ANKFY1: variants seen among roughly 807,000 people sequenced by gnomAD.
ANKFY1 encodes the protein ankyrin repeat and FYVE domain-containing protein 1.
ANKFY1 carries 47 observed loss-of-function variants against 128.3 expected under a neutral mutation model. The observed-to-expected ratio is 0.37, with a 90% CI of 0.29 to 0.47. The LOEUF is 0.47. Among genes scored for constraint, ANKFY1 ranks in the 20% least tolerant of loss-of-function variants. The pLI, the probability that ANKFY1 is intolerant of heterozygous loss-of-function variation, is 1.00. For synonymous variants in ANKFY1, 553 were observed against 601.6 expected (o/e 0.92, Z 1.18); for missense variants, 1,222 against 1,510.6 (o/e 0.81, Z 3.17).
chr17:4,204,415 G>T (rs76296375), intron 7 of ANKFY1, among the ~76,000 whole-genome samples: 7,772 of 152,252 alleles, frequency 0.051, 429 homozygotes, highest in African/African-American at 0.14. Flanking sequence ...TCAAACCTTG[G>T]TGAATACCAG....
At chr17:4,183,634 C>G in intron 13 of ANKFY1, 83 bp from the exon 14 acceptor site, 3 of 1,552,728 alleles carry the variant, frequency 1.9e-6, no homozygotes, top group Non-Finnish European at 2.6e-6. Context: ...ACCCTCTCAG[C>G]TTCTCAAAGC....
intron 16 of ANKFY1, 125 bp from the exon 17 acceptor site, chr17:4,180,002 T>C: frequency 8.1e-7 from 1 of 1,230,282 alleles, no homozygotes; most frequent in Non-Finnish European, 1.1e-6. Context: ...GGGTCTGCTG[T>C]CCTTGGTCCC....
chr17:4,212,445 C>A (rs1416660596), intron 4 of ANKFY1, among the ~76,000 whole-genome samples: 1 of 152,142 alleles, frequency 6.6e-6, no homozygotes, highest in Non-Finnish European at 1.5e-5. Flanking sequence ...GTGTGTTTGT[C>A]AAGATGGAGG....
At chr17:4,210,078 G>A (rs1031332037) in intron 4 of ANKFY1, 131 bp from the exon 5 acceptor site, 1 of 685,428 alleles carries the variant, frequency 1.5e-6, no homozygotes, top group African/African-American at 1.8e-5. Context: ...TTAAGCAAAG[G>A]GTTATGAATA....
chr17:4,222,878 T>A (rs1186100295), intron 3 of ANKFY1: 2 of 984,752 alleles, frequency 2.0e-6, no homozygotes, highest in South Asian at 2.6e-5. Context: ...ATCCGAGAGC[T>A]GACACACCCA....
At chr17:4,211,061 A>C (rs1160746198) in intron 4 of ANKFY1, among the ~76,000 whole-genome samples, 2 of 151,898 alleles carry the variant, frequency 1.3e-5, no homozygotes, top group East Asian at 3.9e-4. Flanking sequence ...AAAAAGAAAA[A>C]AAGAAAAAAG....
At chr17:4,173,826 G>T in intron 20 of ANKFY1, 83 bp downstream of exon 20, 1 of 1,520,008 alleles carries the variant, frequency 6.6e-7, no homozygotes, top group Non-Finnish European at 8.9e-7. Flanking sequence ...CTCCCCAGTG[G>T]GGAGCAGACC....
intron 7 of ANKFY1, among the ~76,000 whole-genome samples, chr17:4,204,786 G>A (rs1011156706): frequency 1.3e-5 from 2 of 151,704 alleles, no homozygotes; most frequent in Non-Finnish European, 2.9e-5. Flanking sequence ...CATTCCCTAC[G>A]TGGTGGAGAT....
chr17:4,248,944 G>T lies in ANKFY1; in HGVS notation c.11-6496C>A, dbSNP rs188067316. The stretch of plus-strand genomic sequence containing the variant: ...TCTCCATGAGTGCAGTCTATGATCA[G>T]ACTTTCAATAAGTATTCTTTCTGAT... On this transcript the variant is annotated intron_variant, in intron 1 of 24. Transcript: ENST00000341657. The T allele has an allele frequency of 1.3e-3, 207 of 163,656 alleles. 1 individual carries two copies. The highest frequency in any genetic ancestry group is 4.6e-3 in the African/African-American group (193 of 41,716). 10.1% of individuals were successfully genotyped at this position (163,656 alleles called of 1,614,324 possible). A position where few individuals can be genotyped will look rare whatever the true frequency, so the allele number is the denominator to read the frequency against.
At chr17:4,247,988 T>C (rs1334707407) in intron 1 of ANKFY1, among the ~76,000 whole-genome samples, 1 of 152,244 alleles carries the variant, frequency 6.6e-6, no homozygotes, top group Non-Finnish European at 1.5e-5. Context: ...AGATTCTCCC[T>C]GCACACTGAT....
rs141119610 is a variant in ANKFY1, at chr17:4,217,273, G to C, written c.323-155C>G. The stretch of plus-strand genomic sequence containing the variant: ...TCATTAAAAATGGGGACTCGGCCGG[G>C]TGCAGTGGCTCACGCCTGTAATCCC... On this transcript the variant is annotated intron_variant, in intron 3 of 24. Transcript: ENST00000341657. Among the ~76,000 whole-genome samples, 112 of 152,338 alleles carry C rather than the reference G, an allele frequency of 7.4e-4. 1 individual carries two copies. Among genetic ancestry groups the C allele is most frequent in the African/African-American group, 2.5e-3 (105 of 41,574 alleles).
At chr17:4,184,032 A>G (rs1216325814) in intron 12 of ANKFY1, 122 bp from the exon 13 acceptor site, 1 of 768,864 alleles carries the variant, frequency 1.3e-6, no homozygotes, top group African/African-American at 1.7e-5. Flanking sequence ...CTATAAAAAG[A>G]GAGTAGATAA....
chr17:4,175,056 G>A (rs1364487209), intron 19 of ANKFY1, among the ~76,000 whole-genome samples: 1 of 150,016 alleles, frequency 6.7e-6, no homozygotes, highest in Non-Finnish European at 1.5e-5. Context: ...ACACAGGCCG[G>A]GTGCAGTGGC....
At chr17:4,260,862 T>C (rs937610488) in intron 1 of ANKFY1, among the ~76,000 whole-genome samples, 11 of 152,154 alleles carry the variant, frequency 7.2e-5, no homozygotes, top group African/African-American at 2.7e-4. Flanking sequence ...ATCTCCCACA[T>C]TCTCACATGG....
Position 4,237,622 on chromosome 17 carries a change from T to C in ANKFY1, c.204-1732A>G, listed in dbSNP as rs531232849. The stretch of plus-strand genomic sequence containing the variant: ...TACAAAAATGAATGTTTCTAGAAAA[T>C]TTCTACCACATTCATGAATGTCAGG... On this transcript the variant is annotated intron_variant, in intron 2 of 24. Transcript: ENST00000341657. Among the ~76,000 whole-genome samples, 9 of 152,278 alleles carry C rather than the reference T, an allele frequency of 5.9e-5. No individual in the cohort carries two copies. The South Asian group carries it at 1.5e-3, about 25-fold the overall frequency.
intron 3 of ANKFY1, among the ~76,000 whole-genome samples, chr17:4,226,022 C>T (rs2060419349): frequency 6.6e-6 from 1 of 152,096 alleles, no homozygotes; most frequent in Admixed American, 6.6e-5. Flanking sequence ...CTCAGCCACT[C>T]CAAGTGTGGG....
chr17:4,206,463 C>T lies in ANKFY1; in HGVS notation c.756G>A (p.Ala252=), dbSNP rs753083951. 6.2e-6 allele frequency: 10 copies of T among 1,613,200 alleles called. No individual in the cohort carries two copies. The highest frequency in any genetic ancestry group is 3.3e-5 in the South Asian group (3 of 91,046). The change falls in exon 7 of 25, where the codon GCG becomes GCA. Residue 252 remains alanine (A), a synonymous_variant. Transcript: ENST00000341657. The part of the protein sequence containing the change: ...DSQLPGKLNE[A]DHNGDLALDL... ...CTAATGCCAGATCTCCGTTATGATC[C>T]GCTTCATTCAGCTTCCCAGGGAGCT...
chr17:4,196,179 AC>A (rs1298152149), intron 8 of ANKFY1, among the ~76,000 whole-genome samples: 2 of 144,932 alleles, frequency 1.4e-5, no homozygotes, highest in African/African-American at 5.2e-5. Flanking sequence ...ACACACACAC[AC>A]ACACACACAC....
chr17:4,246,228 A>G (rs1395059222), intron 1 of ANKFY1, among the ~76,000 whole-genome samples: 1 of 152,232 alleles, frequency 6.6e-6, no homozygotes, highest in Non-Finnish European at 1.5e-5. Context: ...GTAGTATCTT[A>G]CTTCAAAAGA....
Sources: allele counts gnomAD v4.1 joint callset (sites outside exome capture counted in the v4.1 genomes callset), GRCh38; gene constraint gnomAD v4.1.1; transcripts MANE v1.5; gene names NCBI Gene and HGNC (gene_info 2026-07-23, HGNC 2026-07-21).